NPAS3: variants seen among roughly 807,000 people sequenced by gnomAD.
NPAS3 encodes neuronal PAS domain protein 3.
NPAS3 carries 14 observed loss-of-function variants against 73.1 expected under a neutral mutation model. The observed-to-expected ratio is 0.19, with a 90% confidence interval of 0.13 to 0.30. The LOEUF (loss-of-function observed/expected upper bound fraction) is 0.30. Ranked by LOEUF, NPAS3 falls within the 10% of genes least tolerant of loss-of-function variation. The pLI is 1.00. For synonymous variants in NPAS3, 620 were observed against 541.5 expected, an observed-to-expected ratio of 1.14 and a Z score of -2.01; for missense variants, 1,096 against 1,250.0, an observed-to-expected ratio of 0.88 and a Z score of 1.86.
intron 4 of NPAS3, among the ~76,000 whole-genome samples, chr14:33,540,276 C>T (rs1490891938): frequency 6.6e-6 from 1 of 152,094 alleles, no homozygotes; most frequent in Non-Finnish European, 1.5e-5. Flanking sequence ...TGATGCTTAT[C>T]AGTAATGGAA....
intron 3 of NPAS3, among the ~76,000 whole-genome samples, chr14:33,274,771 G>A (rs1383778762): frequency 6.6e-6 from 1 of 152,116 alleles, no homozygotes; most frequent in African/African-American, 2.4e-5. Context: ...CTGGAATTTA[G>A]GCCTCCTGCT....
rs186134758 is a variant in NPAS3, at chr14:33,780,805, A to G, written c.1153+2233A>G. The G allele has an allele frequency of 3.0e-4, 95 of 315,820 alleles. 1 individual carries two copies. The East Asian group carries it at 8.4e-3, about 28-fold the overall frequency. 19.6% of individuals were successfully genotyped at this position (315,820 alleles called of 1,614,324 possible). On this transcript the variant is annotated intron_variant, in intron 9 of 11. Transcript: ENST00000356141. ...AAAATAAACCACTCCACCATTCACT[A>G]TTGTGCTATTCTCCTAATTTTTCTG...
chr14:32,938,526 G>GAGAGAGAGAGAGAGGGAGAGAGAA (rs2035800805), upstream of NPAS3, among the ~76,000 whole-genome samples: 1 of 25,386 alleles, frequency 3.9e-5, no homozygotes, highest in African/African-American at 1.7e-4. Flanking sequence ...AGAGAGAGAA[G>GAGAGAGAGAGAGAGGGAGAGAGAA]GGGGGGGAGG....
chr14:33,204,543 G>A (rs780238392), intron 2 of NPAS3, among the ~76,000 whole-genome samples: 5 of 151,996 alleles, frequency 3.3e-5, no homozygotes, highest in Admixed American at 1.3e-4. Context: ...ATTTGTATAC[G>A]TTTTCTCCTC....
At position 33,714,295 on chromosome 14, in the gene NPAS3, T is replaced by TA. The variant is rs2060900548; in HGVS notation, c.734-20918dup. Among the ~76,000 whole-genome samples, 3 of 138,206 alleles carry TA rather than the reference T, an allele frequency of 2.2e-5. No individual in the cohort carries two copies. The South Asian group carries it at 7.6e-4, about 35-fold the overall frequency. 90.7% of individuals were successfully genotyped at this position (138,206 alleles called of 152,430 possible). A position where few individuals can be genotyped will look rare whatever the true frequency, so the allele number is the denominator to read the frequency against. ...TCTTCTAATGGAATGTAAGCTCTAT[T>TA]AGGGAGACATTTTTTTTCTTTCTCC... On this transcript the variant is annotated intron_variant, in intron 6 of 11. Transcript: ENST00000356141.
chr14:33,396,304 C>A (rs528848916), intron 4 of NPAS3, among the ~76,000 whole-genome samples: 12 of 152,222 alleles, frequency 7.9e-5, no homozygotes, highest in Non-Finnish European at 4.4e-5. Context: ...CTTCCCTGTG[C>A]CTTTAACATA....
chr14:33,709,675 T>C (rs2060762615), intron 6 of NPAS3, among the ~76,000 whole-genome samples: 1 of 152,202 alleles, frequency 6.6e-6, no homozygotes, highest in Admixed American at 6.5e-5. Context: ...CACCATTTTA[T>C]AGATGAGAAC....
intron 2 of NPAS3, among the ~76,000 whole-genome samples, chr14:33,179,545 G>A (rs911433095): frequency 3.3e-5 from 5 of 152,090 alleles, no homozygotes; most frequent in African/African-American, 1.2e-4. Flanking sequence ...TGGAAGCTTA[G>A]AGCTAGTAAA....
chr14:33,680,176 G>C (rs1280954627), intron 6 of NPAS3, among the ~76,000 whole-genome samples: 2 of 152,156 alleles, frequency 1.3e-5, no homozygotes, highest in African/African-American at 4.8e-5. Flanking sequence ...TTGGGATTAT[G>C]AGTACTATCC....
intron 2 of NPAS3, among the ~76,000 whole-genome samples, chr14:33,078,459 T>C (rs11850768): frequency 0.019 from 2,865 of 151,722 alleles, 85 homozygotes; most frequent in African/African-American, 0.066. Context: ...TCACCATCTA[T>C]GGTAATGTCA....
intron 4 of NPAS3, among the ~76,000 whole-genome samples, chr14:33,542,944 T>A (rs533187185): frequency 3.9e-5 from 6 of 152,296 alleles, no homozygotes; most frequent in Non-Finnish European, 8.8e-5. Context: ...GAACTGGACT[T>A]GGGAAAAATT....
intron 5 of NPAS3, among the ~76,000 whole-genome samples, chr14:33,600,675 C>T (rs1332336594): frequency 6.6e-6 from 1 of 152,144 alleles, no homozygotes; most frequent in Non-Finnish European, 1.5e-5. Context: ...GTGGTGACTA[C>T]CTTATCAAAC....
At chr14:33,596,116 G>A in intron 5 of NPAS3, among the ~76,000 whole-genome samples, 1 of 152,192 alleles carries the variant, frequency 6.6e-6, no homozygotes, top group East Asian at 1.9e-4. Context: ...ACTGTTTCAA[G>A]CCTTTCAGAA....
At chr14:33,671,693 G>GAGTA (rs1291807981) in intron 5 of NPAS3, among the ~76,000 whole-genome samples, 1 of 152,230 alleles carries the variant, frequency 6.6e-6, no homozygotes, top group African/African-American at 2.4e-5. Context: ...CAACGTGAGA[G>GAGTA]AGTAAGTAAG....
chr14:33,764,538 G>C (rs1326824673), intron 7 of NPAS3, among the ~76,000 whole-genome samples: 1 of 152,208 alleles, frequency 6.6e-6, no homozygotes, highest in African/African-American at 2.4e-5. Flanking sequence ...TGCTAAGTAG[G>C]GGGAGTAGGG....
intron 3 of NPAS3, among the ~76,000 whole-genome samples, chr14:33,261,546 C>T (rs769955720): frequency 3.9e-5 from 6 of 152,082 alleles, no homozygotes; most frequent in Non-Finnish European, 7.4e-5. Context: ...TTTATATGTA[C>T]ACTATTCACA....
chr14:33,343,246 G>A (rs1260760148), intron 3 of NPAS3, among the ~76,000 whole-genome samples: 1 of 152,084 alleles, frequency 6.6e-6, no homozygotes, highest in East Asian at 1.9e-4. Context: ...AAACTCTATT[G>A]AAATGAGTCA....
chr14:33,607,692 GTTAGGAACATGTATTA>G (rs2057619274), intron 5 of NPAS3, among the ~76,000 whole-genome samples: 1 of 152,150 alleles, frequency 6.6e-6, no homozygotes, highest in Admixed American at 6.5e-5. Flanking sequence ...TAATAGGATT[GTTAGGAACATGTATTA>G]GTCCGTTCTC....
intron 5 of NPAS3, among the ~76,000 whole-genome samples, chr14:33,674,580 T>C (rs1013529975): frequency 6.6e-5 from 10 of 151,980 alleles, no homozygotes; most frequent in Non-Finnish European, 1.2e-4. Flanking sequence ...TCCCAGAGGG[T>C]AAGAGCTGAT....
Sources: gnomAD v4.1 joint callset for allele counts (sites outside exome capture counted in the v4.1 genomes callset) on GRCh38, gnomAD v4.1.1 for gene constraint, MANE v1.5 for transcripts, NCBI Gene and HGNC (gene_info 2026-07-23, HGNC 2026-07-21) for gene names.